The following CD44 variants were observed in gnomAD, a reference collection of about 807,000 sequenced individuals.
CD44 encodes the protein CD44 antigen.
In CD44, 49 loss-of-function variants were observed where a neutral mutation model predicts 88.8. The observed-to-expected ratio is 0.55, with a 90% CI of 0.44 to 0.70. The LOEUF (loss-of-function observed/expected upper bound fraction) is 0.70, where lower values mean the gene tolerates loss of function less well. Among genes scored for constraint, CD44 ranks in the 30% least tolerant of loss-of-function variants. The pLI is 0.00. For synonymous variants in CD44, 325 were observed against 312.3 expected, an observed-to-expected ratio of 1.04 and a Z score of -0.43; for missense variants, 883 against 913.8, an observed-to-expected ratio of 0.97 and a Z score of 0.43.
intron 1 of CD44, among the ~76,000 whole-genome samples, chr11:35,174,031 C>T (rs1016540054): frequency 1.3e-5 from 2 of 152,198 alleles, no homozygotes; most frequent in Admixed American, 1.3e-4. Flanking sequence ...ATAAAACTCA[C>T]CTTTCAGGTT....
chr11:35,201,186 A>G lies in CD44; in HGVS notation c.1027A>G (p.Arg343Gly), dbSNP rs758716190. Reference sequence around the variant, plus strand: ...GGAAGTGCTACTTCAGACAACCACAAGGATGACTGGTAATGGGTTCTGCAT... The same window carrying G: ...GGAAGTGCTACTTCAGACAACCACAGGGATGACTGGTAATGGGTTCTGCAT... ...NPEVLLQTTT[R>G]MTDVDRNGTT... The change falls in exon 8 of 18, where the codon AGG becomes GGG. Residue 343 changes from arginine to glycine, a missense_variant. This residue lies in a region of CD44 where 631 missense variants were observed against 590.9 expected (regional missense o/e 1.07). Coordinates refer to ENST00000428726, the MANE Select transcript of CD44 (RefSeq NM_000610.4). The G allele has an allele frequency of 6.2e-7, 1 of 1,605,318 alleles. No individual in the cohort carries two copies. Among genetic ancestry groups the G allele is most frequent in the South Asian group, 1.1e-5 (1 of 90,834 alleles).
intron 11 of CD44, 144 bp downstream of exon 11, chr11:35,206,387 G>T (rs1019271963): frequency 2.7e-6 from 2 of 737,888 alleles, no homozygotes; most frequent in Non-Finnish European, 2.1e-6. Context: ...TAGTTTTCTT[G>T]GTAGGAGTGA....
chr11:35,217,823 G>T (rs1324796011), intron 15 of CD44, among the ~76,000 whole-genome samples: 1 of 152,140 alleles, frequency 6.6e-6, no homozygotes, highest in Non-Finnish European at 1.5e-5. Context: ...CATTTTGGTG[G>T]AACACTTTCA....
chr11:35,218,750 G>C (rs1389958506), intron 15 of CD44, among the ~76,000 whole-genome samples: 1 of 152,174 alleles, frequency 6.6e-6, no homozygotes, highest in African/African-American at 2.4e-5. Flanking sequence ...TGGTAGCTTT[G>C]AGATGAGGCA....
At chr11:35,160,338 G>A (rs768874503) in intron 1 of CD44, among the ~76,000 whole-genome samples, 2 of 152,200 alleles carry the variant, frequency 1.3e-5, no homozygotes, top group Non-Finnish European at 2.9e-5. Context: ...TCATATCTGC[G>A]TGCTGAAAGG....
At position 35,230,798 on chromosome 11, in the gene CD44, A is replaced by C. The variant is rs1950024368; in HGVS notation, c.*1465A>C. On this transcript the variant is annotated 3_prime_UTR_variant, in exon 18 of 18. Transcript: ENST00000428726. Reference sequence around the variant, plus strand: ...GTCCGATTGGTCCTAGAACTTCCAAAGGCTGCTTGTCATAGAAGCCATTGC... The same window carrying C: ...GTCCGATTGGTCCTAGAACTTCCAACGGCTGCTTGTCATAGAAGCCATTGC... 1 of 152,216 alleles carries C rather than the reference A, an allele frequency of 6.6e-6. No homozygotes were observed. Among genetic ancestry groups the C allele is most frequent in the Non-Finnish European group, 1.5e-5 (1 of 68,044 alleles). 9.4% of individuals were successfully genotyped at this position (152,216 alleles called of 1,614,324 possible). A position where few individuals can be genotyped will look rare whatever the true frequency, so the allele number is the denominator to read the frequency against.
chr11:35,197,273 G>A (rs948176543), intron 6 of CD44: 14 of 160,170 alleles, frequency 8.7e-5, no homozygotes, highest in South Asian at 3.6e-4. Context: ...TTCATCAATG[G>A]AACTATTCTT....
chr11:35,176,624 T>C lies in CD44; in HGVS notation c.117T>C (p.Asn39=), dbSNP rs1292289106. 3 of 1,614,170 alleles carry C rather than the reference T, an allele frequency of 1.9e-6. No homozygotes were observed. Among genetic ancestry groups the C allele is most frequent in the Non-Finnish European group, 2.5e-6 (3 of 1,180,012 alleles). ...CAGGTGTATTCCACGTGGAGAAAAA[T>C]GGTCGCTACAGCATCTCTCGGACGG... ...RFAGVFHVEK[N]GRYSISRTEA... is the part of the protein sequence containing the mutation. Residue 39 remains asparagine (N), a synonymous_variant, in exon 2 of 18, where the codon AAT becomes AAC. Coordinates refer to ENST00000428726, the MANE Select transcript of CD44 (RefSeq NM_000610.4).
intron 4 of CD44, among the ~76,000 whole-genome samples, chr11:35,188,593 T>C (rs1945935819): frequency 6.6e-6 from 1 of 152,172 alleles, no homozygotes; most frequent in African/African-American, 2.4e-5. Context: ...CTGCAGAGAT[T>C]ACCAGGGTGA....
intron 11 of CD44, among the ~76,000 whole-genome samples, 169 bp from the exon 12 acceptor site, chr11:35,207,936 G>C (rs998855977): frequency 6.6e-6 from 1 of 152,138 alleles, no homozygotes; most frequent in Non-Finnish European, 1.5e-5. Flanking sequence ...TTGTTGTGGT[G>C]CTCTTTGATG....
At chr11:35,206,393 A>T (rs937042112) in intron 11 of CD44, 150 bp downstream of exon 11, 1 of 684,554 alleles carries the variant, frequency 1.5e-6, no homozygotes, top group Non-Finnish European at 2.3e-6. Flanking sequence ...TCTTGGTAGG[A>T]GTGATACTCA....
rs1325256760 is a variant in CD44 at position 35,232,402 on chromosome 11, A to G, written c.*3069A>G. 6.6e-6 allele frequency: 1 copy of G among 152,426 alleles called. No homozygotes were observed. The highest frequency in any genetic ancestry group is 1.5e-5 in the Non-Finnish European group (1 of 68,026). The allele number at this position is 152,426 out of a possible 1,614,324, so 9.4% of individuals were successfully genotyped here. A position where few individuals can be genotyped will look rare whatever the true frequency, so the allele number is the denominator to read the frequency against. On this transcript the variant is annotated 3_prime_UTR_variant, in exon 18 of 18. Transcript: ENST00000428726. ...AACATTAAAAGACTAAAGGAAACAGACTCAGAAGTCTCTAATTTAAAAGAA... is the reference window on the plus strand; with the variant it reads ...AACATTAAAAGACTAAAGGAAACAGGCTCAGAAGTCTCTAATTTAAAAGAA...
chr11:35,222,380 G>A (rs1565161009), intron 17 of CD44: 1 of 1,292,080 alleles, frequency 7.7e-7, no homozygotes. Flanking sequence ...TGTAGTTGAA[G>A]AGATTCAGGT....
chr11:35,206,561 A>C (rs1414251939), intron 11 of CD44, among the ~76,000 whole-genome samples: 1 of 149,452 alleles, frequency 6.7e-6, no homozygotes, highest in African/African-American at 2.4e-5. Context: ...AATTCTGAGA[A>C]CCCCTCCCTG....
chr11:35,186,888 C>A lies in CD44; in HGVS notation c.424C>A (p.Pro142Thr). ...VTDLPNAFDG[P>T]ITITIVNRDG... ...AGACCTGCCCAATGCCTTTGATGGA[C>A]CAATTACCATAAGTATGTCTCTCTT... is the stretch of plus-strand genomic sequence containing the variant. Residue 142 changes from proline to threonine, a missense_variant, in exon 4 of 18, where the codon CCA (proline) becomes ACA (threonine). Around this residue, in one of 2 missense-constraint regions of CD44, gnomAD observed 252 missense variants for 322.9 expected, o/e 0.78. Transcript: ENST00000428726. 1 of 1,589,724 alleles carries A rather than the reference C, an allele frequency of 6.3e-7. No individual in the cohort carries two copies. Among genetic ancestry groups the A allele is most frequent in the Admixed American group, 1.7e-5 (1 of 59,948 alleles).
Position 35,208,216 on chromosome 11 carries a change from A to G in CD44, c.1516+10A>G. The G allele has an allele frequency of 6.4e-7, 1 of 1,555,432 alleles. No individual in the cohort carries two copies. Among genetic ancestry groups the G allele is most frequent in the Non-Finnish European group, 8.9e-7 (1 of 1,126,642 alleles). ...CTTTCAATGACAACGCGTAAGAATA[A>G]CGATGCTCAGCCACTTTATTGACTT... On this transcript the variant is annotated intron_variant, in intron 12 of 17. Transcript: ENST00000428726.
intron 1 of CD44, among the ~76,000 whole-genome samples, chr11:35,148,044 T>C (rs1481504753): frequency 6.6e-6 from 1 of 150,624 alleles, no homozygotes; most frequent in Non-Finnish European, 1.5e-5. Context: ...TGAGCCAAGA[T>C]CACGCCATTG....
Position 35,211,348 on chromosome 11 carries a change from G to C in CD44, c.1709G>C (p.Ser570Thr), listed in dbSNP as rs772066154. Reference sequence around the variant, plus strand: ...TCTCATTACCCACACACGAAGGAAAGCAGGACCTTCATCCCAGTGACCTCA... The same window carrying C: ...TCTCATTACCCACACACGAAGGAAACCAGGACCTTCATCCCAGTGACCTCA... Reference protein sequence around the residue: ...YTSHYPHTKESRTFIPVTSAK... With the variant: ...YTSHYPHTKETRTFIPVTSAK... Residue 570 changes from serine (S) to threonine (T), a missense_variant, in exon 14 of 18, where the codon AGC becomes ACC. Ser to Thr is a moderately conservative substitution (Grantham distance 58, BLOSUM62 1). Around this residue, in one of 2 missense-constraint regions of CD44, gnomAD observed 631 missense variants for 590.9 expected, o/e 1.07. Coordinates refer to ENST00000428726, the MANE Select transcript of CD44 (RefSeq NM_000610.4). 4 of 1,613,972 alleles carry C rather than the reference G, an allele frequency of 2.5e-6. No individual in the cohort carries two copies. The South Asian group carries it at 4.4e-5, about 18-fold the overall frequency.
intron 1 of CD44, 24 bp downstream of exon 1, chr11:35,139,394 C>T (rs537503753): frequency 6.4e-7 from 1 of 1,552,756 alleles, no homozygotes; most frequent in Non-Finnish European, 8.7e-7. Flanking sequence ...GCAGCCTGGG[C>T]AGCAAGATGG....
Sources: gnomAD v4.1 joint callset for allele counts (sites outside exome capture counted in the v4.1 genomes callset) on GRCh38, gnomAD v4.1.1 for gene constraint, gnomAD v4.1.1 regional missense constraint, MANE v1.5 for transcripts, NCBI Gene and HGNC (gene_info 2026-07-23, HGNC 2026-07-21) for gene names.